SNTG2: variants seen among roughly 807,000 people sequenced by gnomAD.
The protein encoded by SNTG2 is gamma-2-syntrophin.
Under a neutral mutation model 70.9 loss-of-function variants are expected in SNTG2, and 74 were observed. That is an observed-to-expected ratio of 1.04 (90% CI 0.86 to 1.27). The LOEUF is 1.27. SNTG2 is among the 50% of genes most tolerant of loss of function. SNTG2 has a pLI of 0.00. For missense variants in SNTG2, 717 were observed against 690.7 expected (o/e 1.04, Z -0.43); for synonymous variants, 278 against 273.8 (o/e 1.02, Z -0.15).
chr2:1,115,969 G>A (rs1666940083), intron 4 of SNTG2, among the ~76,000 whole-genome samples: 1 of 152,224 alleles, frequency 6.6e-6, no homozygotes, highest in African/African-American at 2.4e-5. Context: ...CCTTGGCGGA[G>A]GTGGGGGCCA....
chr2:1,136,241 A>G (rs1269820677), intron 4 of SNTG2, among the ~76,000 whole-genome samples: 1 of 152,000 alleles, frequency 6.6e-6, no homozygotes, highest in Non-Finnish European at 1.5e-5. Flanking sequence ...ACATGTTTTC[A>G]GGATGCAGCC....
At chr2:974,031 G>C (rs1276507229) in intron 1 of SNTG2, among the ~76,000 whole-genome samples, 1 of 152,024 alleles carries the variant, frequency 6.6e-6, no homozygotes, top group Non-Finnish European at 1.5e-5. Context: ...TCTCTGTGAT[G>C]GCTTCATTTC....
chr2:1,282,565 A>C (rs952541657), intron 14 of SNTG2, among the ~76,000 whole-genome samples: 1 of 152,164 alleles, frequency 6.6e-6, no homozygotes, highest in South Asian at 2.1e-4. Context: ...AATTCTACCA[A>C]ACAGGGGAAT....
chr2:964,972 C>T (rs192128584), intron 1 of SNTG2, among the ~76,000 whole-genome samples: 11 of 133,632 alleles, frequency 8.2e-5, no homozygotes, highest in African/African-American at 2.5e-4. Context: ...CTCCTTGGCC[C>T]CTCAGTCCAC....
At chr2:1,346,966 C>T (rs1207040973) in intron 16 of SNTG2, among the ~76,000 whole-genome samples, 1 of 151,934 alleles carries the variant, frequency 6.6e-6, no homozygotes, top group East Asian at 1.9e-4. Flanking sequence ...CATGCTGTAC[C>T]AGAGTCAGGG....
chr2:1,262,551 G>A (rs1372639410), intron 13 of SNTG2, among the ~76,000 whole-genome samples: 2 of 145,138 alleles, frequency 1.4e-5, no homozygotes, highest in African/African-American at 5.5e-5. Flanking sequence ...GGGAGTTCCA[G>A]GTCCCAGAGG....
chr2:1,047,039 G>T (rs142852024), intron 1 of SNTG2, among the ~76,000 whole-genome samples: 3 of 152,064 alleles, frequency 2.0e-5, no homozygotes, highest in Non-Finnish European at 4.4e-5. Context: ...CATATTCCTT[G>T]GAGATGTTCT....
intron 16 of SNTG2, among the ~76,000 whole-genome samples, chr2:1,333,509 T>C (rs9677666): frequency 0.011 from 1,599 of 151,932 alleles, 26 homozygotes; most frequent in African/African-American, 0.037. Flanking sequence ...AAAAACAAAT[T>C]TGGAGGTATC....
At position 1,065,553 on chromosome 2, in the gene SNTG2, ATGTT is replaced by A. The variant is rs1437567240; in HGVS notation, c.73-17960_73-17957del. 2.7e-4 allele frequency among the ~76,000 whole-genome samples: 41 copies of A among 152,266 alleles called. 2 individuals are homozygous for A. Among genetic ancestry groups the A allele is most frequent in the African/African-American group, 9.4e-4 (39 of 41,544 alleles). On this transcript the variant is annotated intron_variant, in intron 1 of 16. Transcript: ENST00000308624. Reference sequence around the variant, plus strand: ...GAAGCACGCATTGTATTATGAGATGATGTTTGTTATATATGTTTACAGTTTAAAT... The same window carrying A: ...GAAGCACGCATTGTATTATGAGATGATGTTATATATGTTTACAGTTTAAAT...
At chr2:1,281,969 T>C (rs1679568917) in intron 14 of SNTG2, among the ~76,000 whole-genome samples, 2 of 152,212 alleles carry the variant, frequency 1.3e-5, no homozygotes, top group Non-Finnish European at 1.5e-5. Flanking sequence ...CTACCACTTC[T>C]GGCATTGTTT....
intron 1 of SNTG2, among the ~76,000 whole-genome samples, chr2:1,062,447 G>A (rs578119211): frequency 5.3e-5 from 8 of 152,234 alleles, no homozygotes; most frequent in Admixed American, 1.3e-4. Flanking sequence ...CAATGATAAA[G>A]AAATGTCATC....
chr2:1,337,610 T>C (rs933181576), intron 16 of SNTG2, among the ~76,000 whole-genome samples: 1 of 152,186 alleles, frequency 6.6e-6, no homozygotes, highest in African/African-American at 2.4e-5. Flanking sequence ...AATGTGTGAT[T>C]TGCGGATGTC....
chr2:1,060,350 C>T (rs115279253), intron 1 of SNTG2, among the ~76,000 whole-genome samples: 164 of 152,190 alleles, frequency 1.1e-3, no homozygotes, highest in African/African-American at 3.8e-3. Context: ...TATTAATACA[C>T]GTGTGTATGT....
At position 1,159,213 on chromosome 2, in the gene SNTG2, TTATG is replaced by T. The variant is rs562171441; in HGVS notation, c.412-6333_412-6330del. 2.2e-3 allele frequency: 273 copies of T among 125,010 alleles called. 3 individuals are homozygous for T. The highest frequency in any genetic ancestry group is 7.6e-3 in the African/African-American group (260 of 34,284). The allele number at this position is 125,010 out of a possible 1,614,324, so 7.7% of individuals were successfully genotyped here. ...TCTGAATGTATGAGTGCATGAGTGT[TTATG>T]TGGGAGGGTGTGTGTGAGTGTGTGT... On this transcript the variant is annotated intron_variant, in intron 6 of 16. Transcript: ENST00000308624.
intron 1 of SNTG2, among the ~76,000 whole-genome samples, chr2:1,004,718 A>G (rs1197109295): frequency 6.6e-6 from 1 of 152,208 alleles, no homozygotes; most frequent in Non-Finnish European, 1.5e-5. Context: ...GTGTGAATGC[A>G]AGTATGGTGA....
chr2:962,078 G>GA (rs1660366593), intron 1 of SNTG2, among the ~76,000 whole-genome samples: 1 of 152,136 alleles, frequency 6.6e-6, no homozygotes, highest in South Asian at 2.1e-4. Flanking sequence ...GGTAACCTAA[G>GA]ATACATTTCT....
intron 1 of SNTG2, among the ~76,000 whole-genome samples, chr2:956,561 G>A (rs372856533): frequency 2.0e-5 from 3 of 152,236 alleles, no homozygotes; most frequent in Admixed American, 6.5e-5. Flanking sequence ...CCCTTCCTGC[G>A]GAGGACCCGC....
intron 16 of SNTG2, among the ~76,000 whole-genome samples, chr2:1,360,533 G>A (rs1381348579): frequency 1.3e-5 from 2 of 152,082 alleles, no homozygotes; most frequent in South Asian, 2.1e-4. Context: ...TTGTGCACTG[G>A]CACCTGCCAC....
intron 16 of SNTG2, among the ~76,000 whole-genome samples, chr2:1,365,018 A>C (rs758140012): frequency 1.3e-5 from 2 of 152,178 alleles, no homozygotes; most frequent in Admixed American, 1.3e-4. Flanking sequence ...TTGGAAACAC[A>C]TACATACATT....
Sources: allele counts gnomAD v4.1 joint callset (sites outside exome capture counted in the v4.1 genomes callset), GRCh38; gene constraint gnomAD v4.1.1; transcripts MANE v1.5; gene names NCBI Gene and HGNC (gene_info 2026-07-23, HGNC 2026-07-21).